SCML4: variants seen among roughly 807,000 people sequenced by gnomAD.
SCML4 encodes the protein Scm polycomb group protein like 4.
Under a neutral mutation model 41.1 loss-of-function variants are expected in SCML4, and 34 were observed. The observed-to-expected ratio is 0.83, with a 90% CI of 0.63 to 1.10. The LOEUF is 1.10. Among genes scored for constraint, SCML4 ranks in the 50% least tolerant of loss-of-function variants. The probability of loss-of-function intolerance (pLI) is 0.00; values close to 1 mark genes in which losing one functional copy is unlikely to be tolerated. For synonymous variants in SCML4, 214 were observed against 220.9 expected (o/e 0.97, Z 0.28); for missense variants, 522 against 534.1 (o/e 0.98, Z 0.22).
At chr6:107,765,458 T>C (rs1404322212) in intron 2 of SCML4, among the ~76,000 whole-genome samples, 3 of 152,154 alleles carry the variant, frequency 2.0e-5, no homozygotes, top group East Asian at 1.9e-4. Flanking sequence ...TGAGCTGAGA[T>C]TGCGCCATTG....
At chr6:107,765,393 G>A (rs1779953586) in intron 2 of SCML4, among the ~76,000 whole-genome samples, 1 of 152,182 alleles carries the variant, frequency 6.6e-6, no homozygotes, top group South Asian at 2.1e-4. Context: ...CAGGAGTATT[G>A]CAAGTGGATT....
intron 1 of SCML4, among the ~76,000 whole-genome samples, chr6:107,792,098 T>C (rs1782374345): frequency 6.6e-6 from 1 of 152,208 alleles, no homozygotes; most frequent in Non-Finnish European, 1.5e-5. Context: ...GCAAAGTATT[T>C]GATAAAATTT....
chr6:107,806,812 C>T (rs1461376755), intron 1 of SCML4, among the ~76,000 whole-genome samples: 4 of 152,224 alleles, frequency 2.6e-5, no homozygotes, highest in African/African-American at 9.6e-5. Context: ...CATCACTGAC[C>T]CAAGGGCAGC....
chr6:107,715,435 T>C (rs1004190121), intron 6 of SCML4, among the ~76,000 whole-genome samples: 1 of 150,884 alleles, frequency 6.6e-6, no homozygotes, highest in East Asian at 1.9e-4. Flanking sequence ...CAGGAGGCAT[T>C]TGGGTTGTAA....
chr6:107,759,799 AGAGGGC>A (rs1779435406), intron 2 of SCML4, among the ~76,000 whole-genome samples: 1 of 152,142 alleles, frequency 6.6e-6, no homozygotes, highest in Non-Finnish European at 1.5e-5. Flanking sequence ...GAACTTTGGG[AGAGGGC>A]ATGAAGAAAA....
chr6:107,832,126 C>T, the SCML4 span, among the ~76,000 whole-genome samples: 1 of 151,808 alleles, frequency 6.6e-6, no homozygotes, highest in Non-Finnish European at 1.5e-5. Context: ...GTAGTCCCAG[C>T]TACTCGGGAG....
At chr6:107,731,919 G>C (rs184686805) in intron 5 of SCML4, 2 of 152,638 alleles carry the variant, frequency 1.3e-5, no homozygotes, top group East Asian at 1.9e-4. Context: ...GCAGGTGCTC[G>C]TGCCAGCTGC....
chr6:107,740,215 CAACA>C, intron 5 of SCML4: 1 of 468,722 alleles, frequency 2.1e-6, no homozygotes, highest in South Asian at 1.6e-5. Flanking sequence ...AGCTGCAAGA[CAACA>C]GACACCATAT....
intron 6 of SCML4, among the ~76,000 whole-genome samples, chr6:107,708,683 G>T (rs538631732): frequency 3.3e-5 from 5 of 152,188 alleles, no homozygotes; most frequent in African/African-American, 1.2e-4. Context: ...CATTTGCCCG[G>T]GTCTCCCCCA....
intron 1 of SCML4, among the ~76,000 whole-genome samples, chr6:107,772,824 A>T (rs1026922034): frequency 2.0e-5 from 3 of 151,982 alleles, no homozygotes; most frequent in African/African-American, 7.3e-5. Context: ...AATTGTCATG[A>T]CCTCTTTTTC....
chr6:107,746,428 C>G, intron 4 of SCML4: 1 of 429,928 alleles, frequency 2.3e-6, no homozygotes, highest in East Asian at 3.6e-5. Flanking sequence ...AAGCAAAAAC[C>G]GGTGAGTTGG....
intron 2 of SCML4, among the ~76,000 whole-genome samples, chr6:107,761,097 AG>A (rs1006075152): frequency 1.3e-5 from 2 of 152,176 alleles, no homozygotes; most frequent in African/African-American, 4.8e-5. Context: ...AGAGGTTAAA[AG>A]AAATGGAGAA....
At chr6:107,735,714 A>T in intron 5 of SCML4, among the ~76,000 whole-genome samples, 1 of 151,288 alleles carries the variant, frequency 6.6e-6, no homozygotes, top group East Asian at 1.9e-4. Flanking sequence ...CAGGAGAATC[A>T]CTTGAACCCT....
At chr6:107,816,510 T>C (rs75422127) in intron 1 of SCML4, among the ~76,000 whole-genome samples, 1,733 of 152,312 alleles carry the variant, frequency 0.011, 30 homozygotes, top group African/African-American at 0.039. Context: ...AGATGGATTC[T>C]GTGCAGCTCT....
chr6:107,781,996 T>A (rs1249239411), intron 1 of SCML4, among the ~76,000 whole-genome samples: 1 of 152,170 alleles, frequency 6.6e-6, no homozygotes, highest in Non-Finnish European at 1.5e-5. Context: ...AAGCTATCAC[T>A]ATTTTCAAAT....
intron 2 of SCML4, among the ~76,000 whole-genome samples, chr6:107,761,697 A>G (rs903658660): frequency 6.6e-6 from 1 of 152,160 alleles, no homozygotes; most frequent in Non-Finnish European, 1.5e-5. Context: ...TTGGCCTCCC[A>G]AAGTGCTAGG....
intron 5 of SCML4, among the ~76,000 whole-genome samples, chr6:107,727,393 GTATGA>G (rs1776094633): frequency 6.6e-6 from 1 of 152,188 alleles, no homozygotes; most frequent in Non-Finnish European, 1.5e-5. Context: ...ATGGTGAATT[GTATGA>G]TATATGAATT....
chr6:107,844,936 A>T, the SCML4 span, among the ~76,000 whole-genome samples: 13 of 4,428 alleles, frequency 2.9e-3, no homozygotes, highest in South Asian at 0.033. Context: ...TATGTATATT[A>T]AAAAAAAAAA....
At chr6:107,766,555 A>C (rs1174161114) in intron 2 of SCML4, among the ~76,000 whole-genome samples, 1 of 152,172 alleles carries the variant, frequency 6.6e-6, no homozygotes, top group Non-Finnish European at 1.5e-5. Flanking sequence ...CTGACATAAG[A>C]CCTCATTGTT....
Sources: gnomAD v4.1 joint callset for allele counts (sites outside exome capture counted in the v4.1 genomes callset) on GRCh38, gnomAD v4.1.1 for gene constraint, MANE v1.5 for transcripts, NCBI Gene and HGNC (gene_info 2026-07-23, HGNC 2026-07-21) for gene names.